Variants in ARHGEF17 observed in about 807,000 individuals in gnomAD.
ARHGEF17 encodes the protein 164 kDa Rho-specific guanine-nucleotide exchange factor.
In ARHGEF17, 80 loss-of-function variants were observed where a neutral mutation model predicts 174.0. That is an observed-to-expected ratio of 0.46 (90% CI 0.38 to 0.55). The LOEUF is 0.55. Ranked by LOEUF, ARHGEF17 falls within the 20% of genes least tolerant of loss-of-function variation. ARHGEF17 has a pLI of 0.00. For missense variants in ARHGEF17, 2,886 were observed against 2,839.7 expected (o/e 1.02, Z -0.37); for synonymous variants, 1,311 against 1,189.1 (o/e 1.10, Z -2.11).
rs771309599 is a variant in ARHGEF17, at chr11:73,356,310, G to A, written c.3799G>A (p.Val1267Met). The A allele has an allele frequency of 5.6e-6, 9 of 1,613,086 alleles. No homozygotes were observed. The South Asian group carries it at 8.8e-5, about 16-fold the overall frequency. ...CGAGGAGGCGGAGCGCCATGCCCGTGTGCTGCAGGAGATAGAGGCTCACAT... is the reference window on the plus strand; with the variant it reads ...CGAGGAGGCGGAGCGCCATGCCCGTATGCTGCAGGAGATAGAGGCTCACAT... Reference protein sequence around the residue: ...SAEEAERHARVLQEIEAHIEG... With the variant: ...SAEEAERHARMLQEIEAHIEG... Residue 1267 changes from valine to methionine, a missense_variant, in exon 6 of 21, where the codon GTG (valine) becomes ATG (methionine). This residue lies in a region of ARHGEF17 where 353 missense variants were observed against 470.3 expected (regional missense o/e 0.75). Coordinates refer to ENST00000263674, the MANE Select transcript of ARHGEF17 (RefSeq NM_014786.4).
intron 1 of ARHGEF17, among the ~76,000 whole-genome samples, 169 bp downstream of exon 1, chr11:73,311,999 G>T (rs948751286): frequency 1.7e-4 from 26 of 152,296 alleles, no homozygotes; most frequent in African/African-American, 5.8e-4. Context: ...ATGACACAGG[G>T]CTCCTGTCTA....
At chr11:73,367,555 A>G in intron 20 of ARHGEF17, 29 bp from the exon 21 acceptor site, 2 of 1,584,830 alleles carry the variant, frequency 1.3e-6, no homozygotes, top group South Asian at 1.1e-5. Flanking sequence ...TTCGCCCCCA[A>G]GCTGACAGAT....
Position 73,309,053 on chromosome 11 carries a change from A to G in ARHGEF17, c.415A>G (p.Arg139Gly). ...CAAGCTCTTCGGCGGTCCTGGCTCC[A>G]GGAGGCCCAGCGCCGACTCTGAATC... The part of the protein sequence containing the change: ...MRKLFGGPGS[R>G]RPSADSESPG... Residue 139 changes from arginine (R) to glycine (G), a missense_variant, in exon 1 of 21, where the codon AGG (arginine) becomes GGG (glycine). Arg to Gly is a moderately radical substitution (Grantham distance 125). Transcript: ENST00000263674. The G allele has an allele frequency of 5.4e-6, 8 of 1,484,256 alleles. No homozygotes were observed. Among genetic ancestry groups the G allele is most frequent in the Admixed American group, 2.3e-5 (1 of 43,550 alleles). 91.9% of individuals were successfully genotyped at this position (1,484,256 alleles called of 1,614,324 possible).
Position 73,311,711 on chromosome 11 carries a change from G to A in ARHGEF17, c.3073G>A (p.Val1025Met). The A allele has an allele frequency of 6.2e-7, 1 of 1,613,360 alleles. No individual in the cohort carries two copies. Among genetic ancestry groups the A allele is most frequent in the South Asian group, 1.1e-5 (1 of 91,086 alleles). ...CGGTGAGGTCCCTGCCCCAGTGCCA[G>A]TGGACATGCCCTGCTTGCCTCTGGC... ...HSGEVPAPVP[V>M]DMPCLPLAAP... is the part of the protein sequence containing the mutation. The change falls in exon 1 of 21, where the codon GTG (valine) becomes ATG (methionine). Residue 1025 changes from valine to methionine, a missense_variant. This residue lies in a region of ARHGEF17 where 1,728 missense variants were observed against 1,461.2 expected (regional missense o/e 1.18). Coordinates refer to ENST00000263674, the MANE Select transcript of ARHGEF17 (RefSeq NM_014786.4).
chr11:73,340,284 C>T (rs948403461), intron 1 of ARHGEF17, among the ~76,000 whole-genome samples: 1 of 152,220 alleles, frequency 6.6e-6, no homozygotes, highest in Admixed American at 6.5e-5. Context: ...GCAGCAGCAG[C>T]AAGCAGTGCC....
chr11:73,309,656 G>A lies in ARHGEF17; in HGVS notation c.1018G>A (p.Gly340Arg), dbSNP rs1179014608. The stretch of plus-strand genomic sequence containing the variant: ...ATCTCCAAGAGCCCCTAGAGAAGAA[G>A]GACTCCGGGAGTGGGGTAGTGGCTC... Reference protein sequence around the residue: ...PTSPRAPREEGLREWGSGSPP... With the variant: ...PTSPRAPREERLREWGSGSPP... The change falls in exon 1 of 21, where the codon GGA (glycine) becomes AGA (arginine). Residue 340 changes from glycine to arginine, a missense_variant. Coordinates refer to ENST00000263674, the MANE Select transcript of ARHGEF17 (RefSeq NM_014786.4). The A allele has an allele frequency of 1.2e-6, 2 of 1,613,012 alleles. No individual in the cohort carries two copies. Among genetic ancestry groups the A allele is most frequent in the Non-Finnish European group, 8.5e-7 (1 of 1,180,040 alleles).
In ARHGEF17 at chr11:73,355,894, C is replaced by G; in HGVS notation, c.3604C>G (p.Leu1202Val). The part of the protein sequence containing the change: ...SMRENKEKQA[L>V]SDLMIKPVQR... The stretch of plus-strand genomic sequence containing the variant: ...GCGTGAGAACAAGGAGAAGCAGGCG[C>G]TGTCTGACCTCATGATCAAGCCTGT... Residue 1202 changes from leucine (L) to valine (V), a missense_variant, in exon 5 of 21, where the codon CTG (leucine) becomes GTG (valine). By Grantham distance (32) the Leu-to-Val change is conservative. Transcript: ENST00000263674. 6.2e-7 allele frequency: 1 copy of G among 1,614,214 alleles called. No individual in the cohort carries two copies. Among genetic ancestry groups the G allele is most frequent in the Non-Finnish European group, 8.5e-7 (1 of 1,180,042 alleles).
chr11:73,341,754 G>A (rs1865372580), intron 1 of ARHGEF17, among the ~76,000 whole-genome samples: 1 of 152,252 alleles, frequency 6.6e-6, no homozygotes, highest in Non-Finnish European at 1.5e-5. Context: ...AGAGATGAGA[G>A]GAGTCGACAG....
chr11:73,338,805 G>A (rs1490324644), intron 1 of ARHGEF17, among the ~76,000 whole-genome samples: 1 of 151,988 alleles, frequency 6.6e-6, no homozygotes, highest in South Asian at 2.1e-4. Flanking sequence ...GTAGAACTGG[G>A]TTCTACCTCT....
chr11:73,329,364 TATATA>T lies in ARHGEF17; in HGVS notation c.3193-17518_3193-17514del, dbSNP rs1228913051. ...ATATATATATATATATATATATATA[TATATA>T]TATATTTTTTTTTTTTTTTTGTATT... On this transcript the variant is annotated intron_variant, in intron 1 of 20. Transcript: ENST00000263674. Among the ~76,000 whole-genome samples the T allele has an allele frequency of 3.1e-3, 58 of 18,694 alleles. 2 individuals carry two copies. Among genetic ancestry groups the T allele is most frequent in the Non-Finnish European group, 4.6e-3 (42 of 9,036 alleles). The allele number at this position is 18,694 out of a possible 152,430, so 12.3% of individuals were successfully genotyped here. A position where few individuals can be genotyped will look rare whatever the true frequency, so the allele number is the denominator to read the frequency against.
intron 1 of ARHGEF17, among the ~76,000 whole-genome samples, chr11:73,341,135 C>T (rs1208132754): frequency 6.6e-6 from 1 of 152,148 alleles, no homozygotes; most frequent in Non-Finnish European, 1.5e-5. Context: ...GGAGACGGGC[C>T]TCAATCTAGT....
chr11:73,329,230 C>G (rs1413691615), intron 1 of ARHGEF17, among the ~76,000 whole-genome samples: 2 of 148,204 alleles, frequency 1.3e-5, no homozygotes, highest in Admixed American at 6.7e-5. Context: ...TGTTCCCTTC[C>G]TGCACACAGA....
In ARHGEF17 at chr11:73,309,342, C is replaced by T. The variant is rs761040826; in HGVS notation, c.704C>T (p.Ser235Phe). ...GCCCGGGCCTCCTGCTCCTCCTCCT[C>T]CATCGCCGCCTCCTATCCTGTCAGC... ...AGARASCSSS[S>F]IAASYPVSRS... is the part of the protein sequence containing the mutation. The change falls in exon 1 of 21, where the codon TCC becomes TTC. Residue 235 changes from serine (S) to phenylalanine (F), a missense_variant. This residue lies in a region of ARHGEF17 where 1,728 missense variants were observed against 1,461.2 expected (regional missense o/e 1.18). Transcript: ENST00000263674. The T allele has an allele frequency of 1.1e-5, 18 of 1,610,222 alleles. No individual in the cohort carries two copies. Among genetic ancestry groups the T allele is most frequent in the Non-Finnish European group, 1.4e-5 (17 of 1,179,032 alleles).
intron 1 of ARHGEF17, among the ~76,000 whole-genome samples, chr11:73,324,331 T>G (rs1865067568): frequency 6.6e-6 from 1 of 152,144 alleles, no homozygotes; most frequent in Non-Finnish European, 1.5e-5. Flanking sequence ...GGAGCCTGGG[T>G]ACACGTTTAT....
Position 73,361,919 on chromosome 11 carries a change from TCCAC to T in ARHGEF17, c.4495-120_4495-117del, listed in dbSNP as rs2134421606. The stretch of plus-strand genomic sequence containing the variant: ...CGTGTGTAGAAGGGTGTATAGGGCA[TCCAC>T]ACACACACACCCATGCAGGCCTGCC... On this transcript the variant is annotated intron_variant, in intron 12 of 20. Coordinates refer to ENST00000263674, the MANE Select transcript of ARHGEF17 (RefSeq NM_014786.4). 6 of 994,790 alleles carry T rather than the reference TCCAC, an allele frequency of 6.0e-6. No homozygotes were observed. The Middle Eastern group carries it at 1.4e-3, about 232-fold the overall frequency. 61.6% of individuals were successfully genotyped at this position (994,790 alleles called of 1,614,324 possible).
chr11:73,316,815 C>T (rs1408669450), intron 1 of ARHGEF17, among the ~76,000 whole-genome samples: 1 of 152,206 alleles, frequency 6.6e-6, no homozygotes, highest in Non-Finnish European at 1.5e-5. Context: ...TAAGCATTCA[C>T]AGGTCTGCTC....
intron 15 of ARHGEF17, 71 bp downstream of exon 15, chr11:73,363,526 C>T: frequency 1.3e-6 from 2 of 1,553,428 alleles, no homozygotes; most frequent in South Asian, 1.2e-5. Context: ...ATCATGTGGT[C>T]CCCTGGAGCC....
intron 1 of ARHGEF17, among the ~76,000 whole-genome samples, chr11:73,327,440 G>A (rs1399941896): frequency 2.0e-5 from 3 of 151,408 alleles, no homozygotes; most frequent in Non-Finnish European, 3.0e-5. Context: ...GTATGAACAA[G>A]TGTTGGCAGG....
In ARHGEF17 at chr11:73,336,685, C is replaced by T. The variant is rs11607403; in HGVS notation, c.3193-10198C>T. Among the ~76,000 whole-genome samples, 1,158 of 152,336 alleles carry T rather than the reference C, an allele frequency of 7.6e-3. 3 individuals are homozygous for T. Among genetic ancestry groups the T allele is most frequent in the Middle Eastern group, 0.017 (5 of 294 alleles). On this transcript the variant is annotated intron_variant, in intron 1 of 20. Coordinates refer to ENST00000263674, the MANE Select transcript of ARHGEF17 (RefSeq NM_014786.4). ...TATGAAGGACCCTGGGTTCACATTC[C>T]GTCTCTTCCACTCACTGCCTGTGTG...
Sources: gnomAD v4.1 joint callset for allele counts (sites outside exome capture counted in the v4.1 genomes callset) on GRCh38, gnomAD v4.1.1 for gene constraint, gnomAD v4.1.1 regional missense constraint, MANE v1.5 for transcripts, NCBI Gene and HGNC (gene_info 2026-07-23, HGNC 2026-07-21) for gene names.